VIT: variants seen among roughly 807,000 people sequenced by gnomAD.
VIT encodes vitrin.
Under a neutral mutation model 78.0 loss-of-function variants are expected in VIT, and 99 were observed. That is an observed-to-expected ratio of 1.27 (90% CI 1.08 to 1.50). The LOEUF is 1.50. Among genes scored for constraint, VIT ranks in the 40% most tolerant of loss-of-function variants. The pLI, the probability that VIT is intolerant of heterozygous loss-of-function variation, is 0.00. For synonymous variants in VIT, 374 were observed against 334.3 expected (o/e 1.12, Z -1.29); for missense variants, 1,126 against 875.3 (o/e 1.29, Z -3.61).
chr2:36,776,625 A>C (rs1670062698), intron 9 of VIT, among the ~76,000 whole-genome samples: 1 of 151,462 alleles, frequency 6.6e-6, no homozygotes, highest in Non-Finnish European at 1.5e-5. Context: ...ACATAGTGAG[A>C]CCCCGTCTCT....
intron 3 of VIT, among the ~76,000 whole-genome samples, chr2:36,739,941 G>C (rs908964803): frequency 5.3e-5 from 8 of 152,202 alleles, no homozygotes; most frequent in Non-Finnish European, 1.0e-4. Context: ...AAAGGTTCCA[G>C]AATAAGTTCT....
intron 4 of VIT, among the ~76,000 whole-genome samples, chr2:36,747,329 T>C (rs1072218): frequency 0.51 from 77,504 of 152,048 alleles, 22,122 homozygotes; most frequent in Non-Finnish European, 0.65. Flanking sequence ...GATCAAATGT[T>C]GAGTGTAAGT....
Position 36,801,368 on chromosome 2 carries a change from G to T in VIT, c.1126G>T (p.Glu376Ter). The change falls in exon 13 of 16, where the codon GAG becomes TAG. Residue 376 changes from glutamate to a stop codon, truncating the protein, a stop_gained. Transcript: ENST00000379242. LOFTEE classifies it high-confidence loss of function. ...TTCTCGAGATCTGAAGACAGCCATA[G>T]AGAAAATTACTCAGAGAGGAGGACT... is the stretch of plus-strand genomic sequence containing the variant. ...TNSRDLKTAI[E>*]KITQRGGLSN... 6.2e-7 allele frequency: 1 copy of T among 1,614,046 alleles called. No homozygotes were observed. The highest frequency in any genetic ancestry group is 8.5e-7 in the Non-Finnish European group (1 of 1,180,020).
chr2:36,729,652 A>T (rs997271784), intron 3 of VIT, among the ~76,000 whole-genome samples, 161 bp downstream of exon 3: 2 of 152,198 alleles, frequency 1.3e-5, no homozygotes, highest in African/African-American at 4.8e-5. Context: ...CCCCTACCAC[A>T]TTCCAAAAAG....
chr2:36,756,509 C>T (rs1183168498), intron 5 of VIT, among the ~76,000 whole-genome samples: 1 of 152,144 alleles, frequency 6.6e-6, no homozygotes, highest in Non-Finnish European at 1.5e-5. Flanking sequence ...CTAGGCACCC[C>T]ATGCCTCAAG....
chr2:36,720,808 A>G (rs1666457621), intron 2 of VIT, among the ~76,000 whole-genome samples: 3 of 152,188 alleles, frequency 2.0e-5, no homozygotes, highest in Admixed American at 2.0e-4. Context: ...CAGGAGTTCG[A>G]GATCAGCCTG....
At chr2:36,776,467 T>G (rs1670050947) in intron 9 of VIT, among the ~76,000 whole-genome samples, 1 of 152,188 alleles carries the variant, frequency 6.6e-6, no homozygotes, top group African/African-American at 2.4e-5. Context: ...AAATTAACGC[T>G]TACATTAAAA....
chr2:36,771,937 G>C (rs1035718774), intron 7 of VIT, among the ~76,000 whole-genome samples: 35 of 152,276 alleles, frequency 2.3e-4, no homozygotes, highest in African/African-American at 7.9e-4. Flanking sequence ...TTTTTGCAAC[G>C]TGTGTTGTAC....
chr2:36,712,641 G>T (rs1665875898), intron 1 of VIT, among the ~76,000 whole-genome samples: 1 of 152,114 alleles, frequency 6.6e-6, no homozygotes, highest in East Asian at 1.9e-4. Flanking sequence ...TTCCAGACCG[G>T]CCTGGCCAAC....
chr2:36,717,066 G>C (rs1288669218), intron 2 of VIT, among the ~76,000 whole-genome samples: 1 of 151,566 alleles, frequency 6.6e-6, no homozygotes, highest in African/African-American at 2.4e-5. Flanking sequence ...TAGTAGAGAC[G>C]GGGTTTCACC....
At chr2:36,789,138 T>C (rs1337047660) in intron 12 of VIT, among the ~76,000 whole-genome samples, 1 of 152,240 alleles carries the variant, frequency 6.6e-6, no homozygotes, top group Non-Finnish European at 1.5e-5. Flanking sequence ...TAAGCTAATC[T>C]ATCATCTTCG....
At chr2:36,698,584 G>A (rs947193098) in intron 1 of VIT, among the ~76,000 whole-genome samples, 6 of 152,152 alleles carry the variant, frequency 3.9e-5, no homozygotes. Context: ...CCCTCCCAGG[G>A]CGGCCACAAG....
chr2:36,776,678 C>A (rs2148609136), intron 9 of VIT, among the ~76,000 whole-genome samples: 1 of 151,958 alleles, frequency 6.6e-6, no homozygotes, highest in East Asian at 1.9e-4. Context: ...GCCTGTAATC[C>A]CAGTTACTCG....
intron 1 of VIT, among the ~76,000 whole-genome samples, chr2:36,713,494 G>A (rs1309410540): frequency 6.6e-6 from 1 of 152,232 alleles, no homozygotes; most frequent in Non-Finnish European, 1.5e-5. Context: ...CCACTGTGGA[G>A]TGTCAGCCGA....
intron 14 of VIT, 146 bp from the exon 15 acceptor site, chr2:36,808,326 A>G (rs1666879993): frequency 8.4e-7 from 1 of 1,188,240 alleles, no homozygotes; most frequent in Non-Finnish European, 1.1e-6. Context: ...CGCTGGGTGA[A>G]CCGAGATGGA....
chr2:36,771,702 A>G (rs1376669471), intron 7 of VIT, among the ~76,000 whole-genome samples: 1 of 152,158 alleles, frequency 6.6e-6, no homozygotes, highest in Non-Finnish European at 1.5e-5. Context: ...ACTTCCAGGA[A>G]TATATCCTAA....
At chr2:36,720,493 T>C (rs1055858305) in intron 2 of VIT, among the ~76,000 whole-genome samples, 1 of 152,164 alleles carries the variant, frequency 6.6e-6, no homozygotes, top group East Asian at 1.9e-4. Context: ...CAATGGAATA[T>C]TATTCTGCCT....
intron 3 of VIT, among the ~76,000 whole-genome samples, chr2:36,732,200 C>G (rs1011402436): frequency 2.0e-5 from 3 of 152,138 alleles, no homozygotes; most frequent in Non-Finnish European, 4.4e-5. Context: ...ACGAAAGGTT[C>G]CATGATTACC....
intron 12 of VIT, among the ~76,000 whole-genome samples, chr2:36,797,575 C>T (rs1395808098): frequency 6.6e-6 from 1 of 152,108 alleles, no homozygotes; most frequent in Non-Finnish European, 1.5e-5. Context: ...TAAACAACTT[C>T]AGGTTTGGAA....
Sources: allele counts gnomAD v4.1 joint callset (sites outside exome capture counted in the v4.1 genomes callset), GRCh38; gene constraint gnomAD v4.1.1; transcripts MANE v1.5; gene names NCBI Gene and HGNC (gene_info 2026-07-23, HGNC 2026-07-21).